Variants in URB1 observed in about 807,000 individuals in gnomAD.
URB1 encodes URB1 ribosome biogenesis factor.
URB1 carries 197 observed loss-of-function variants against 242.3 expected under a neutral mutation model. That is an observed-to-expected ratio of 0.81 (90% CI 0.72 to 0.91). The LOEUF (loss-of-function observed/expected upper bound fraction) is 0.91, where lower values mean the gene tolerates loss of function less well. Ranked by LOEUF, URB1 falls within the 40% of genes least tolerant of loss-of-function variation. The probability of loss-of-function intolerance (pLI) is 0.00; values close to 1 mark genes in which losing one functional copy is unlikely to be tolerated. For missense variants in URB1, 2,721 were observed against 2,860.5 expected (o/e 0.95, Z 1.11); for synonymous variants, 1,153 against 1,201.8 (o/e 0.96, Z 0.84).
Position 32,337,461 on chromosome 21 carries a change from CACAG to C in URB1, c.4560_4563del (p.Cys1521ArgfsTer19), listed in dbSNP as rs1601130533. 6.4e-7 allele frequency: 1 copy of C among 1,550,838 alleles called. No individual in the cohort carries two copies. The highest frequency in any genetic ancestry group is 8.7e-7 in the Non-Finnish European group (1 of 1,146,412). ...AGAAGCACTGCAAAGTGGCTGCTCT[CACAG>C]ACAGAGGGGCACATCTCCACCACCG... On this transcript the variant is annotated frameshift_variant, in exon 27 of 39. Coordinates refer to ENST00000382751, the MANE Select transcript of URB1 (RefSeq NM_014825.3). LOFTEE classifies it high-confidence loss of function.
intron 11 of URB1, among the ~76,000 whole-genome samples, 151 bp from the exon 12 acceptor site, chr21:32,362,172 A>G (rs1458826701): frequency 6.6e-6 from 1 of 152,020 alleles, no homozygotes; most frequent in Non-Finnish European, 1.5e-5. Context: ...TGGTGAGAAA[A>G]CAGGCCCAAA....
chr21:32,315,517 C>T (rs2032669262), intron 38 of URB1, among the ~76,000 whole-genome samples: 1 of 152,066 alleles, frequency 6.6e-6, no homozygotes, highest in African/African-American at 2.4e-5. Flanking sequence ...GTTGCCCAGG[C>T]TGGTCTCAAG....
At chr21:32,383,300 C>T in intron 4 of URB1, 122 bp downstream of exon 4, 1 of 1,278,750 alleles carries the variant, frequency 7.8e-7, no homozygotes, top group Non-Finnish European at 1.1e-6. Flanking sequence ...ACACACCTTT[C>T]TACATAGACA....
chr21:32,312,634 G>A lies in URB1; in HGVS notation c.*2284C>T, dbSNP rs1186640055. The A allele has an allele frequency of 2.5e-5, 4 of 158,322 alleles. No individual in the cohort carries two copies. The highest frequency in any genetic ancestry group is 5.6e-5 in the Non-Finnish European group (4 of 71,246). 9.8% of individuals were successfully genotyped at this position (158,322 alleles called of 1,614,324 possible). On this transcript the variant is annotated 3_prime_UTR_variant, in exon 39 of 39. Coordinates refer to ENST00000382751, the MANE Select transcript of URB1 (RefSeq NM_014825.3). ...CAAATGCTGTCACAGAACACAAAGA[G>A]CCCTGGAAGCTGGCAGGAAAGGTCT... is the stretch of plus-strand genomic sequence containing the variant.
intron 30 of URB1, among the ~76,000 whole-genome samples, chr21:32,326,792 A>T (rs576091689): frequency 6.6e-4 from 101 of 152,098 alleles, no homozygotes; most frequent in Admixed American, 2.6e-3. Flanking sequence ...AGACTATGAA[A>T]CCATGAGTCA....
At chr21:32,325,871 C>T (rs914388268) in intron 30 of URB1, among the ~76,000 whole-genome samples, 4 of 152,122 alleles carry the variant, frequency 2.6e-5, no homozygotes, top group African/African-American at 9.7e-5. Flanking sequence ...CCAACCAGCC[C>T]GACAAAGGAC....
In URB1 at chr21:32,365,386, C is replaced by T. The variant is rs144154561; in HGVS notation, c.1335+1232G>A. Among the ~76,000 whole-genome samples the T allele has an allele frequency of 8.4e-4, 127 of 151,822 alleles. No homozygotes were observed. In the Middle Eastern group the frequency reaches 0.01, roughly 12 times the overall value. Reference sequence around the variant, plus strand: ...GGAACACTTGGGTCCAAGAGTTTGACGCTGCAATGAGCTATGATCACACCA... The same window carrying T: ...GGAACACTTGGGTCCAAGAGTTTGATGCTGCAATGAGCTATGATCACACCA... On this transcript the variant is annotated intron_variant, in intron 10 of 38. Transcript: ENST00000382751.
intron 25 of URB1, among the ~76,000 whole-genome samples, 185 bp downstream of exon 25, chr21:32,341,281 A>T (rs1383101565): frequency 6.6e-6 from 1 of 152,212 alleles, no homozygotes; most frequent in Non-Finnish European, 1.5e-5. Flanking sequence ...TGCTTCTCTC[A>T]TCATCAGAAG....
At position 32,316,761 on chromosome 21, in the gene URB1, G is replaced by C; in HGVS notation, c.6339C>G (p.Leu2113=). ...TGAGTCCTGCAGCCTCTGCCCTGCTGAGCGGGTGCTCGGCCACCGACCGCA... is the reference window on the plus strand; with the variant it reads ...TGAGTCCTGCAGCCTCTGCCCTGCTCAGCGGGTGCTCGGCCACCGACCGCA... The part of the protein sequence containing the change: ...WVLRSVAEHP[L]SRAEAAGLIG... Residue 2113 remains leucine, a synonymous_variant, in exon 38 of 39, where the codon CTC becomes CTG. Coordinates refer to ENST00000382751, the MANE Select transcript of URB1 (RefSeq NM_014825.3). The C allele has an allele frequency of 6.4e-7, 1 of 1,550,760 alleles. No individual in the cohort carries two copies. Among genetic ancestry groups the C allele is most frequent in the East Asian group, 2.4e-5 (1 of 40,882 alleles).
rs1247227177 is a variant in URB1, at chr21:32,337,155, G to C, written c.4624C>G (p.Gln1542Glu). The C allele has an allele frequency of 5.8e-6, 9 of 1,551,574 alleles. No individual in the cohort carries two copies. Among genetic ancestry groups the C allele is most frequent in the African/African-American group, 1.4e-5 (1 of 73,018 alleles). ...AYGATLSVLD[Q>E]KILLLLRAYE... Reference sequence around the variant, plus strand: ...GCTCGAAGCAGAAGTAAAATCTTCTGATCTACAAGTCAAAGCAGGATCGGT... The same window carrying C: ...GCTCGAAGCAGAAGTAAAATCTTCTCATCTACAAGTCAAAGCAGGATCGGT... Residue 1542 changes from glutamine to glutamate, a missense_variant and splice_region_variant, in exon 28 of 39, where the codon CAG becomes GAG. By Grantham distance (29) the Gln-to-Glu change is conservative. Coordinates refer to ENST00000382751, the MANE Select transcript of URB1 (RefSeq NM_014825.3).
intron 16 of URB1, 87 bp from the exon 17 acceptor site, chr21:32,355,084 G>A: frequency 7.0e-7 from 1 of 1,421,624 alleles, no homozygotes; most frequent in Non-Finnish European, 9.4e-7. Flanking sequence ...CAAAATCAAG[G>A]CAAGTGATAA....
intron 13 of URB1, 110 bp downstream of exon 13, chr21:32,360,897 T>G: frequency 1.5e-6 from 1 of 659,306 alleles, no homozygotes; most frequent in Non-Finnish European, 2.5e-6. Flanking sequence ...GGCTGACGGA[T>G]GAGCACGCAG....
Position 32,338,698 on chromosome 21 carries a change from A to AG in URB1, c.4510+8dup. 2.6e-6 allele frequency: 4 copies of AG among 1,550,670 alleles called. No individual in the cohort carries two copies. The highest frequency in any genetic ancestry group is 3.5e-6 in the Non-Finnish European group (4 of 1,146,846). Reference sequence around the variant, plus strand: ...GATACGGAATGGAAGGGCTGGGGTGAGGGGTCACCTTTTACTTGGCTGTCC... The same window carrying AG: ...GATACGGAATGGAAGGGCTGGGGTGAGGGGGTCACCTTTTACTTGGCTGTCC... On this transcript the variant is annotated intron_variant, in intron 26 of 38. Transcript: ENST00000382751.
chr21:32,344,850 G>A, intron 23 of URB1, 94 bp from the exon 24 acceptor site: 2 of 1,362,132 alleles, frequency 1.5e-6, no homozygotes, highest in Non-Finnish European at 2.0e-6. Flanking sequence ...ATATGGGATA[G>A]ATGCTGAGTC....
Position 32,337,343 on chromosome 21 carries a change from C to A in URB1, c.4621+61G>T, listed in dbSNP as rs1601130391. ...CTCCAGCTCTCATTCCCTATCTCTGCTCACACCCCCGGCCCTCACTCCCTC... is the reference window on the plus strand; with the variant it reads ...CTCCAGCTCTCATTCCCTATCTCTGATCACACCCCCGGCCCTCACTCCCTC... On this transcript the variant is annotated intron_variant, in intron 27 of 38. Transcript: ENST00000382751. The A allele has an allele frequency of 4.8e-6, 7 of 1,467,450 alleles. No homozygotes were observed. The East Asian group carries it at 1.7e-4, about 36-fold the overall frequency. 90.9% of individuals were successfully genotyped at this position (1,467,450 alleles called of 1,614,324 possible). A position where few individuals can be genotyped will look rare whatever the true frequency, so the allele number is the denominator to read the frequency against.
At chr21:32,359,944 C>A (rs1352894013) in intron 13 of URB1, 36 bp from the exon 14 acceptor site, 63 of 1,540,626 alleles carry the variant, frequency 4.1e-5, no homozygotes, top group Non-Finnish European at 5.4e-5. Context: ...AAAAAAGTCA[C>A]ATGGACGTGG....
intron 31 of URB1, among the ~76,000 whole-genome samples, chr21:32,324,895 C>T (rs1381100375): frequency 6.6e-6 from 1 of 152,212 alleles, no homozygotes; most frequent in Admixed American, 6.5e-5. Context: ...GTACAGGTTT[C>T]TAAGGTTCAG....
chr21:32,311,916 A>AC lies in URB1; in HGVS notation c.*3001dup. 5 of 1,613,718 alleles carry AC rather than the reference A, an allele frequency of 3.1e-6. No homozygotes were observed. Among genetic ancestry groups the AC allele is most frequent in the Non-Finnish European group, 4.2e-6 (5 of 1,180,018 alleles). ...CCACCCCACTCTCCTCTGGGAACTG[A>AC]CCCTCAATGGGGGTCCCCTCGTCAG... is the stretch of plus-strand genomic sequence containing the variant. On this transcript the variant is annotated 3_prime_UTR_variant, in exon 39 of 39. Transcript: ENST00000382751.
In URB1 at chr21:32,312,411, G is replaced by C. The variant is rs1350406756; in HGVS notation, c.*2507C>G. 1.1e-6 allele frequency: 1 copy of C among 927,336 alleles called. No individual in the cohort carries two copies. Among genetic ancestry groups the C allele is most frequent in the Admixed American group, 4.0e-5 (1 of 24,772 alleles). 57.4% of individuals were successfully genotyped at this position (927,336 alleles called of 1,614,324 possible). A position where few individuals can be genotyped will look rare whatever the true frequency, so the allele number is the denominator to read the frequency against. Reference sequence around the variant, plus strand: ...GGATGCTGGGTAAGTTCCCATCCAAGCTCCACTAACACCCGCCGGCTCCCC... The same window carrying C: ...GGATGCTGGGTAAGTTCCCATCCAACCTCCACTAACACCCGCCGGCTCCCC... On this transcript the variant is annotated 3_prime_UTR_variant, in exon 39 of 39. Transcript: ENST00000382751.
Sources: allele counts gnomAD v4.1 joint callset (sites outside exome capture counted in the v4.1 genomes callset), GRCh38; gene constraint gnomAD v4.1.1; transcripts MANE v1.5; gene names NCBI Gene and HGNC (gene_info 2026-07-23, HGNC 2026-07-21).